SH3RF2: variants seen among roughly 807,000 people sequenced by gnomAD.
SH3RF2 encodes E3 ubiquitin-protein ligase SH3RF2.
Under a neutral mutation model 59.0 loss-of-function variants are expected in SH3RF2, and 43 were observed. The ratio of observed to expected loss-of-function variants is 0.73; its 90% CI spans 0.57 to 0.94. SH3RF2 has a LOEUF of 0.94. Among genes scored for constraint, SH3RF2 ranks in the 40% least tolerant of loss-of-function variants. The pLI, the probability that SH3RF2 is intolerant of heterozygous loss-of-function variation, is 0.00. For missense variants in SH3RF2, 930 were observed against 940.1 expected (o/e 0.99, Z 0.14); for synonymous variants, 391 against 391.5 (o/e 1.00, Z 0.01).
chr5:146,071,493 A>G (rs775815370), intron 9 of SH3RF2, among the ~76,000 whole-genome samples: 11 of 152,248 alleles, frequency 7.2e-5, no homozygotes, highest in Non-Finnish European at 1.5e-4. Context: ...TTCTATTTAT[A>G]AGCTGAATTC....
intron 2 of SH3RF2, among the ~76,000 whole-genome samples, chr5:145,955,565 G>C (rs1407638643): frequency 6.6e-6 from 1 of 152,082 alleles, no homozygotes; most frequent in Non-Finnish European, 1.5e-5. Context: ...AAAAGTTGAA[G>C]AGAAAAAGGA....
At chr5:146,036,144 G>A (rs1177376723) in intron 5 of SH3RF2, among the ~76,000 whole-genome samples, 1 of 152,150 alleles carries the variant, frequency 6.6e-6, no homozygotes, top group Non-Finnish European at 1.5e-5. Context: ...AGACTTCTGT[G>A]TACCCTGGCA....
intron 5 of SH3RF2, among the ~76,000 whole-genome samples, chr5:146,042,411 T>C (rs76597673): frequency 0.038 from 5,848 of 152,332 alleles, 389 homozygotes; most frequent in African/African-American, 0.13. Context: ...CTAAATAGTT[T>C]ATATGGATTA....
chr5:146,013,723 T>C (rs754013731), intron 4 of SH3RF2, 24 bp from the exon 5 acceptor site: 65 of 1,611,338 alleles, frequency 4.0e-5, no homozygotes, highest in Non-Finnish European at 5.5e-5. Flanking sequence ...GACAAACTTC[T>C]CATTGGACCT....
intron 5 of SH3RF2, among the ~76,000 whole-genome samples, chr5:146,040,477 T>A (rs1229265555): frequency 6.6e-6 from 1 of 151,976 alleles, no homozygotes; most frequent in Non-Finnish European, 1.5e-5. Context: ...AAGACCCCAC[T>A]GAAGTTGAGG....
At chr5:146,080,696 T>G (rs1763410627) in exon 10 of SH3RF2, 2 of 152,270 alleles carry the variant, frequency 1.3e-5, no homozygotes, top group South Asian at 4.1e-4. Context: ...TATGGATTAC[T>G]GTAAAATGTC....
At chr5:145,998,456 T>C (rs1181385782) in intron 2 of SH3RF2, among the ~76,000 whole-genome samples, 3 of 151,520 alleles carry the variant, frequency 2.0e-5, no homozygotes, top group African/African-American at 7.3e-5. Context: ...TCCCTCTTTT[T>C]TTCCATTTCC....
chr5:146,053,048 T>C (rs1451687875), intron 7 of SH3RF2, among the ~76,000 whole-genome samples: 3 of 152,196 alleles, frequency 2.0e-5, no homozygotes, highest in African/African-American at 7.2e-5. Context: ...TTTGAACCTA[T>C]GCTCTTATTA....
intron 5 of SH3RF2, among the ~76,000 whole-genome samples, chr5:146,021,837 G>A (rs546418927): frequency 2.0e-5 from 3 of 152,186 alleles, no homozygotes; most frequent in Admixed American, 6.5e-5. Context: ...ATGGTGGGAT[G>A]TAGGACCAAT....
chr5:145,965,916 A>G (rs554577170), intron 2 of SH3RF2, among the ~76,000 whole-genome samples: 1 of 152,368 alleles, frequency 6.6e-6, no homozygotes, highest in South Asian at 2.1e-4. Context: ...ATTTTATCAG[A>G]AAAAGCTACT....
At chr5:146,043,435 G>A (rs1314061695) in intron 5 of SH3RF2, among the ~76,000 whole-genome samples, 2 of 152,040 alleles carry the variant, frequency 1.3e-5, no homozygotes, top group Admixed American at 1.3e-4. Flanking sequence ...GTTTCCTGTG[G>A]CCTTAACTAG....
At chr5:146,054,200 C>A (rs248779) in intron 7 of SH3RF2, among the ~76,000 whole-genome samples, 1 of 151,964 alleles carries the variant, frequency 6.6e-6, no homozygotes, top group Admixed American at 6.6e-5. Context: ...CATAGAGGCA[C>A]TCAGTGTTGG....
At chr5:145,964,731 A>C (rs1758793994) in intron 2 of SH3RF2, among the ~76,000 whole-genome samples, 1 of 152,158 alleles carries the variant, frequency 6.6e-6, no homozygotes. Flanking sequence ...CCCTGTGTCC[A>C]TTTTGACTGT....
At chr5:146,038,664 G>C (rs1762024553) in intron 5 of SH3RF2, among the ~76,000 whole-genome samples, 1 of 152,174 alleles carries the variant, frequency 6.6e-6, no homozygotes, top group Admixed American at 6.5e-5. Context: ...AGACATTAAA[G>C]AGGCTCTAAC....
Position 146,013,953 on chromosome 5 carries a change from G to A in SH3RF2, c.951G>A (p.Gly317=). Residue 317 remains glycine (G), a synonymous_variant, in exon 5 of 10, where the codon GGG becomes GGA. Coordinates refer to ENST00000359120, the MANE Select transcript of SH3RF2 (RefSeq NM_152550.4). ...TLNRMVHSPS[G]RHMVEISTPV... ...ACCGGATGGTCCATTCTCCTTCAGG[G>A]CGCCATATGGTAGAGATCAGCACCC... 2 of 1,614,072 alleles carry A rather than the reference G, an allele frequency of 1.2e-6. No homozygotes were observed. Among genetic ancestry groups the A allele is most frequent in the Non-Finnish European group, 1.7e-6 (2 of 1,180,008 alleles).
intron 4 of SH3RF2, among the ~76,000 whole-genome samples, chr5:146,008,555 T>A (rs1200704085): frequency 1.3e-5 from 2 of 152,162 alleles, no homozygotes; most frequent in African/African-American, 4.8e-5. Context: ...CCTAAACAAT[T>A]TCAATAACTT....
At chr5:145,960,381 C>T (rs1404130426) in intron 2 of SH3RF2, among the ~76,000 whole-genome samples, 6 of 152,164 alleles carry the variant, frequency 3.9e-5, no homozygotes, top group Non-Finnish European at 7.4e-5. Flanking sequence ...TTACATACTC[C>T]ACCAGCCCAG....
At chr5:146,017,590 C>T (rs1761153474) in intron 5 of SH3RF2, among the ~76,000 whole-genome samples, 1 of 152,142 alleles carries the variant, frequency 6.6e-6, no homozygotes, top group Admixed American at 6.5e-5. Flanking sequence ...TTAAGCCTCC[C>T]TCCTTCTGTA....
chr5:145,989,482 T>C (rs927510699), intron 2 of SH3RF2, among the ~76,000 whole-genome samples: 2 of 152,216 alleles, frequency 1.3e-5, no homozygotes, highest in African/African-American at 4.8e-5. Flanking sequence ...TGTTCAAAGA[T>C]AGAGAGGCAG....
Sources: gnomAD v4.1 joint callset for allele counts (sites outside exome capture counted in the v4.1 genomes callset) on GRCh38, gnomAD v4.1.1 for gene constraint, MANE v1.5 for transcripts, NCBI Gene and HGNC (gene_info 2026-07-23, HGNC 2026-07-21) for gene names.